The following DPH6 variants were observed in gnomAD, a reference collection of about 807,000 sequenced individuals.
DPH6 encodes diphthine--ammonia ligase.
DPH6 carries 33 observed loss-of-function variants against 38.2 expected under a neutral mutation model. The observed-to-expected ratio is 0.86, with a 90% CI of 0.65 to 1.15. DPH6 has a LOEUF of 1.15. Ranked by LOEUF, DPH6 falls within the 50% of genes most tolerant of loss-of-function variation. The pLI, the probability that DPH6 is intolerant of heterozygous loss-of-function variation, is 0.00. For synonymous variants in DPH6, 108 were observed against 103.0 expected, an observed-to-expected ratio of 1.05 and a Z score of -0.30; for missense variants, 325 against 320.0, an observed-to-expected ratio of 1.02 and a Z score of -0.12.
intron 3 of DPH6, among the ~76,000 whole-genome samples, chr15:35,310,653 A>G (rs1259334961): frequency 6.6e-6 from 1 of 152,184 alleles, no homozygotes; most frequent in Non-Finnish European, 1.5e-5. Context: ...TAATAGTACT[A>G]GCTGATAGAA....
chr15:35,281,006 A>T (rs1052134428), intron 3 of DPH6, among the ~76,000 whole-genome samples: 3 of 152,168 alleles, frequency 2.0e-5, no homozygotes, highest in African/African-American at 7.2e-5. Context: ...CACAATGTGC[A>T]GGTTAGTTAC....
At chr15:35,243,500 G>C (rs1280889474) in intron 3 of DPH6, among the ~76,000 whole-genome samples, 2 of 144,274 alleles carry the variant, frequency 1.4e-5, no homozygotes, top group Non-Finnish European at 3.0e-5. Flanking sequence ...CACAAAAGAA[G>C]TGAAAAGGTC....
intron 3 of DPH6, among the ~76,000 whole-genome samples, chr15:35,350,503 A>G (rs1038848178): frequency 6.6e-6 from 1 of 151,950 alleles, no homozygotes; most frequent in Non-Finnish European, 1.5e-5. Flanking sequence ...TTACTTTTGT[A>G]GTTCTTTGAG....
intron 3 of DPH6, chr15:35,237,353 G>A: frequency 6.3e-7 from 1 of 1,596,204 alleles, no homozygotes; most frequent in Non-Finnish European, 8.6e-7. Flanking sequence ...GATTCATTTA[G>A]AGCTGCGGAA....
the DPH6 span, among the ~76,000 whole-genome samples, chr15:35,188,299 C>T: frequency 0.015 from 2,322 of 152,086 alleles, 43 homozygotes; most frequent in African/African-American, 0.044. Flanking sequence ...GAACATTGGA[C>T]GGGTAAGGGA....
At chr15:35,432,680 A>G (rs1239740218) in intron 5 of DPH6, among the ~76,000 whole-genome samples, 4 of 152,238 alleles carry the variant, frequency 2.6e-5, no homozygotes, top group South Asian at 2.1e-4. Context: ...ATGTTAACAC[A>G]AAAGAAAGAT....
At chr15:35,162,662 A>G in the DPH6 span, among the ~76,000 whole-genome samples, 3 of 151,756 alleles carry the variant, frequency 2.0e-5, no homozygotes, top group African/African-American at 7.3e-5. Flanking sequence ...AGCACTTATA[A>G]TAATTTTTTT....
chr15:35,356,359 T>C (rs1020684038), intron 3 of DPH6, among the ~76,000 whole-genome samples: 22 of 152,334 alleles, frequency 1.4e-4, no homozygotes, highest in African/African-American at 3.6e-4. Flanking sequence ...GAGAGGTGCT[T>C]TGATTTTTAG....
chr15:35,267,394 T>C (rs1326453593), intron 3 of DPH6, among the ~76,000 whole-genome samples: 1 of 152,194 alleles, frequency 6.6e-6, no homozygotes, highest in Non-Finnish European at 1.5e-5. Context: ...TTCAGCTAGC[T>C]CTCCTCTGCT....
At chr15:35,366,026 T>G, downstream of DPH6, 4 of 984,520 alleles carry the variant, frequency 4.1e-6, no homozygotes, top group Non-Finnish European at 4.8e-6. Flanking sequence ...GAACCAAATG[T>G]TGGCAAATAA....
chr15:35,541,605 G>T (rs149175774), intron 2 of DPH6, among the ~76,000 whole-genome samples: 300 of 152,152 alleles, frequency 2.0e-3, no homozygotes, highest in African/African-American at 6.8e-3. Context: ...ATGGAGCCTG[G>T]AAAGAAGTAA....
At chr15:35,199,653 G>A in the DPH6 span, among the ~76,000 whole-genome samples, 1 of 151,746 alleles carries the variant, frequency 6.6e-6, no homozygotes, top group Admixed American at 6.6e-5. Context: ...ATTTTAAAAT[G>A]TAAATCAAAG....
intron 3 of DPH6, among the ~76,000 whole-genome samples, chr15:35,498,124 A>T (rs1347280959): frequency 6.6e-6 from 1 of 152,182 alleles, no homozygotes; most frequent in East Asian, 1.9e-4. Flanking sequence ...CTCTCCATTG[A>T]GTATAGAGAC....
At chr15:35,148,953 G>A in the DPH6 span, among the ~76,000 whole-genome samples, 1 of 152,026 alleles carries the variant, frequency 6.6e-6, no homozygotes, top group Non-Finnish European at 1.5e-5. Context: ...AGAATGTTTT[G>A]CTGAATGTCC....
chr15:35,178,195 T>C, the DPH6 span, among the ~76,000 whole-genome samples: 3 of 152,214 alleles, frequency 2.0e-5, no homozygotes, highest in Admixed American at 2.0e-4. Flanking sequence ...ATTCCACAAA[T>C]AATTCTTCAA....
At chr15:35,189,233 T>C in the DPH6 span, among the ~76,000 whole-genome samples, 1 of 152,228 alleles carries the variant, frequency 6.6e-6, no homozygotes, top group African/African-American at 2.4e-5. Context: ...GTATGTCTCT[T>C]GGTGTCCTTT....
At chr15:35,329,835 C>T (rs184511463), downstream of DPH6, among the ~76,000 whole-genome samples, 126 of 152,182 alleles carry the variant, frequency 8.3e-4, no homozygotes, top group African/African-American at 2.9e-3. Flanking sequence ...AAATTGAAAA[C>T]AATACAGCTA....
At chr15:35,450,591 A>G (rs2053919409) in intron 5 of DPH6, 94 bp downstream of exon 5, 1 of 1,003,518 alleles carries the variant, frequency 1.0e-6, no homozygotes. Context: ...TTTATATTCT[A>G]AATCAGTTTT....
At chr15:35,368,322 T>C (rs939700315), downstream of DPH6, among the ~76,000 whole-genome samples, 1 of 151,814 alleles carries the variant, frequency 6.6e-6, no homozygotes, top group Non-Finnish European at 1.5e-5. Flanking sequence ...TCAGTATCAC[T>C]AGAGCAAAGT....
Sources: allele counts gnomAD v4.1 joint callset (sites outside exome capture counted in the v4.1 genomes callset), GRCh38; gene constraint gnomAD v4.1.1; transcripts MANE v1.5; gene names NCBI Gene and HGNC (gene_info 2026-07-23, HGNC 2026-07-21).